The following PLEK variants were observed in gnomAD, a reference collection of about 807,000 sequenced individuals.
PLEK encodes platelet 47 kDa protein.
In PLEK, 25 loss-of-function variants were observed where a neutral mutation model predicts 43.9. The observed-to-expected ratio is 0.57, with a 90% CI of 0.41 to 0.79. The LOEUF (loss-of-function observed/expected upper bound fraction) is 0.79. PLEK is among the 30% of genes least tolerant of loss of function. The probability of loss-of-function intolerance (pLI) is 0.00; values close to 1 mark genes in which losing one functional copy is unlikely to be tolerated. For synonymous variants in PLEK, 152 were observed against 144.4 expected, an observed-to-expected ratio of 1.05 and a Z score of -0.38; for missense variants, 396 against 413.3, an observed-to-expected ratio of 0.96 and a Z score of 0.36.
intron 4 of PLEK, among the ~76,000 whole-genome samples, chr2:68,385,935 A>G (rs1220196097): frequency 5.9e-5 from 9 of 152,210 alleles, no homozygotes; most frequent in African/African-American, 2.2e-4. Flanking sequence ...AACACCCAGT[A>G]GAGTACCTAG....
chr2:68,395,073 T>G (rs1308037538), intron 8 of PLEK, among the ~76,000 whole-genome samples: 1 of 152,164 alleles, frequency 6.6e-6, no homozygotes, highest in African/African-American at 2.4e-5. Flanking sequence ...GGCCAGGTTA[T>G]TGCCTTTTAG....
At chr2:68,374,905 T>C (rs1188263331) in intron 1 of PLEK, among the ~76,000 whole-genome samples, 1 of 152,182 alleles carries the variant, frequency 6.6e-6, no homozygotes, top group Non-Finnish European at 1.5e-5. Context: ...ATTTATATAT[T>C]ATATTATACA....
At chr2:68,383,367 A>G (rs7368879) in intron 4 of PLEK, among the ~76,000 whole-genome samples, 74,302 of 151,984 alleles carry the variant, frequency 0.49, 19,098 homozygotes, top group East Asian at 0.75. Flanking sequence ...AAGAGAAAGA[A>G]CTCAGGGGTT....
At chr2:68,395,562 C>T (rs1673947265) in intron 8 of PLEK, 118 bp from the exon 9 acceptor site, 8 of 1,025,300 alleles carry the variant, frequency 7.8e-6, no homozygotes, top group Non-Finnish European at 1.2e-5. Context: ...TTGAAAGCCA[C>T]ATAGTCAATT....
intron 4 of PLEK, among the ~76,000 whole-genome samples, chr2:68,385,369 A>G (rs1395000204): frequency 6.6e-6 from 1 of 152,214 alleles, no homozygotes; most frequent in Non-Finnish European, 1.5e-5. Context: ...TGACCAGAAG[A>G]TTGCTTAAAT....
At chr2:68,387,039 T>G (rs1038215896) in intron 5 of PLEK, among the ~76,000 whole-genome samples, 10 of 152,214 alleles carry the variant, frequency 6.6e-5, no homozygotes, top group African/African-American at 2.4e-4. Flanking sequence ...GTAGTCTTGC[T>G]CTGTCACCCA....
At chr2:68,394,430 G>A (rs1175361894) in intron 8 of PLEK, among the ~76,000 whole-genome samples, 1 of 152,078 alleles carries the variant, frequency 6.6e-6, no homozygotes, top group Non-Finnish European at 1.5e-5. Flanking sequence ...AAATTAGCTG[G>A]GCATGGTGGC....
intron 6 of PLEK, among the ~76,000 whole-genome samples, chr2:68,392,513 T>A (rs1462086266): frequency 6.6e-6 from 1 of 152,202 alleles, no homozygotes; most frequent in Admixed American, 6.5e-5. Context: ...TGTCCACTTT[T>A]CCCACCTTGC....
intron 1 of PLEK, among the ~76,000 whole-genome samples, chr2:68,372,210 G>C (rs1178829621): frequency 6.7e-6 from 1 of 148,898 alleles, no homozygotes; most frequent in Non-Finnish European, 1.5e-5. Flanking sequence ...GTCTTGCTCT[G>C]TTGCCCAGGC....
At chr2:68,372,591 G>T (rs1284248603) in intron 1 of PLEK, among the ~76,000 whole-genome samples, 1 of 152,060 alleles carries the variant, frequency 6.6e-6, no homozygotes, top group South Asian at 2.1e-4. Flanking sequence ...ATGATGAACA[G>T]GTATTTACCA....
intron 1 of PLEK, among the ~76,000 whole-genome samples, chr2:68,366,694 G>C (rs1461652288): frequency 6.6e-6 from 1 of 152,134 alleles, no homozygotes; most frequent in Non-Finnish European, 1.5e-5. Context: ...AACATCCTTT[G>C]GAAAAGACAC....
chr2:68,380,107 C>T (rs1673581447), intron 1 of PLEK, among the ~76,000 whole-genome samples: 1 of 151,880 alleles, frequency 6.6e-6, no homozygotes, highest in Non-Finnish European at 1.5e-5. Flanking sequence ...GAGGAGTATT[C>T]CAGAGAATGG....
intron 1 of PLEK, among the ~76,000 whole-genome samples, chr2:68,366,285 T>C (rs1673272950): frequency 6.6e-6 from 1 of 152,248 alleles, no homozygotes; most frequent in African/African-American, 2.4e-5. Flanking sequence ...GAGTCTGTTT[T>C]AGGCTACTCA....
intron 4 of PLEK, among the ~76,000 whole-genome samples, chr2:68,383,226 C>G (rs929049280): frequency 3.3e-5 from 5 of 152,188 alleles, no homozygotes; most frequent in Non-Finnish European, 7.3e-5. Flanking sequence ...AGTGCACCTA[C>G]CTCATAGGCT....
chr2:68,390,373 G>GTTCGGGAGCT, intron 6 of PLEK, among the ~76,000 whole-genome samples: 1 of 152,318 alleles, frequency 6.6e-6, no homozygotes, highest in African/African-American at 2.4e-5. Flanking sequence ...GAACCACTGA[G>GTTCGGGAGCT]CCAGCCTTTT....
At chr2:68,389,120 T>G (rs181104787) in intron 6 of PLEK, among the ~76,000 whole-genome samples, 15 of 152,258 alleles carry the variant, frequency 9.9e-5, no homozygotes, top group Admixed American at 2.0e-4. Context: ...GCTGAGGAGC[T>G]CTAGTCGGTT....
intron 6 of PLEK, 104 bp downstream of exon 6, chr2:68,388,595 A>T: frequency 1.6e-6 from 1 of 639,496 alleles, no homozygotes; most frequent in Non-Finnish European, 2.9e-6. Flanking sequence ...ATAGTCAAGC[A>T]GAAAATGAAA....
chr2:68,376,397 T>C (rs1008674946), intron 1 of PLEK, among the ~76,000 whole-genome samples: 1 of 152,096 alleles, frequency 6.6e-6, no homozygotes, highest in Non-Finnish European at 1.5e-5. Flanking sequence ...ACAGTCCTCC[T>C]TTCCCCTGAA....
intron 4 of PLEK, among the ~76,000 whole-genome samples, chr2:68,383,640 G>A (rs1475946647): frequency 6.6e-6 from 1 of 152,124 alleles, no homozygotes; most frequent in Non-Finnish European, 1.5e-5. Flanking sequence ...TAGGGCTGAC[G>A]GTTCATCAGG....
Sources: allele counts gnomAD v4.1 joint callset (sites outside exome capture counted in the v4.1 genomes callset), GRCh38; gene constraint gnomAD v4.1.1; transcripts MANE v1.5; gene names NCBI Gene and HGNC (gene_info 2026-07-23, HGNC 2026-07-21).